The following LRP1B variants were observed in gnomAD, a reference collection of about 807,000 sequenced individuals.
LRP1B encodes the protein low-density lipoprotein receptor-related protein 1B.
Under a neutral mutation model 556.6 loss-of-function variants are expected in LRP1B, and 217 were observed. That is an observed-to-expected ratio of 0.39 (90% confidence interval 0.35 to 0.44). The LOEUF (loss-of-function observed/expected upper bound fraction) is 0.44, where lower values mean the gene tolerates loss of function less well. Ranked by LOEUF, LRP1B falls within the 20% of genes least tolerant of loss-of-function variation. The pLI is 1.00. For synonymous variants in LRP1B, 2,047 were observed against 1,865.8 expected, an observed-to-expected ratio of 1.10 and a Z score of -2.50; for missense variants, 5,053 against 5,620.8, an observed-to-expected ratio of 0.90 and a Z score of 3.23.
At chr2:140,401,846 A>G (rs1351963054) in intron 66 of LRP1B, among the ~76,000 whole-genome samples, 1 of 152,240 alleles carries the variant, frequency 6.6e-6, no homozygotes, top group African/African-American at 2.4e-5. Flanking sequence ...CATTGCCTGC[A>G]ACACCCTGGC....
intron 2 of LRP1B, among the ~76,000 whole-genome samples, chr2:141,722,442 C>A (rs945488832): frequency 1.3e-5 from 2 of 151,994 alleles, no homozygotes; most frequent in Non-Finnish European, 2.9e-5. Context: ...GGTTAGATAT[C>A]TTTGGTGCAT....
At chr2:141,414,104 G>T (rs1573917961) in intron 3 of LRP1B, among the ~76,000 whole-genome samples, 2 of 151,760 alleles carry the variant, frequency 1.3e-5, no homozygotes, top group South Asian at 2.1e-4. Flanking sequence ...GGGTGTGGTG[G>T]CGGGTGCCTG....
intron 2 of LRP1B, among the ~76,000 whole-genome samples, chr2:141,732,153 C>T (rs998920516): frequency 1.7e-4 from 26 of 152,086 alleles, no homozygotes; most frequent in African/African-American, 6.3e-4. Flanking sequence ...TACTAAGGAA[C>T]GTCTGAAATT....
At chr2:141,077,497 G>A (rs1386950341) in intron 7 of LRP1B, among the ~76,000 whole-genome samples, 1 of 151,994 alleles carries the variant, frequency 6.6e-6, no homozygotes, top group Non-Finnish European at 1.5e-5. Flanking sequence ...TGTTAATTTG[G>A]CAAGGTGTGG....
chr2:141,311,647 A>G (rs1272783678), intron 3 of LRP1B, among the ~76,000 whole-genome samples: 1 of 152,142 alleles, frequency 6.6e-6, no homozygotes, highest in Admixed American at 6.5e-5. Flanking sequence ...TGGCTTTGTA[A>G]GAAGAGGAAG....
At chr2:140,263,468 G>A (rs1477341004) in intron 86 of LRP1B, among the ~76,000 whole-genome samples, 2 of 151,968 alleles carry the variant, frequency 1.3e-5, no homozygotes, top group African/African-American at 4.8e-5. Flanking sequence ...TTTCAACATG[G>A]CGAGGCTGAG....
intron 3 of LRP1B, among the ~76,000 whole-genome samples, chr2:141,292,171 G>C (rs556070480): frequency 6.6e-6 from 1 of 152,110 alleles, no homozygotes; most frequent in Non-Finnish European, 1.5e-5. Context: ...TAGGTTGTGC[G>C]CTCCTTATGA....
intron 2 of LRP1B, among the ~76,000 whole-genome samples, chr2:141,809,198 G>A (rs10496897): frequency 0.31 from 46,752 of 151,842 alleles, 7,320 homozygotes; most frequent in East Asian, 0.39. Flanking sequence ...CAAATATTCA[G>A]GTATTCACCT....
At chr2:141,361,019 G>T (rs758059855) in intron 3 of LRP1B, among the ~76,000 whole-genome samples, 1 of 152,160 alleles carries the variant, frequency 6.6e-6, no homozygotes, top group Non-Finnish European at 1.5e-5. Context: ...AGCATGCAAT[G>T]TAATTGATAT....
chr2:141,584,383 G>A (rs1238878856), intron 2 of LRP1B, among the ~76,000 whole-genome samples: 2 of 152,168 alleles, frequency 1.3e-5, no homozygotes, highest in African/African-American at 4.8e-5. Context: ...ATAGAAAGGA[G>A]CCAGATTTGG....
At chr2:141,646,408 G>C (rs536613214) in intron 2 of LRP1B, among the ~76,000 whole-genome samples, 1 of 152,240 alleles carries the variant, frequency 6.6e-6, no homozygotes, top group African/African-American at 2.4e-5. Context: ...TCGAATTTAA[G>C]AGAGGAATCA....
At chr2:140,956,594 G>A (rs549678792) in intron 18 of LRP1B, among the ~76,000 whole-genome samples, 2 of 151,638 alleles carry the variant, frequency 1.3e-5, no homozygotes, top group Non-Finnish European at 3.0e-5. Flanking sequence ...CCCAAGAATT[G>A]GTACTTATAT....
chr2:140,577,298 C>T lies in LRP1B; in HGVS notation c.7194+21333G>A, dbSNP rs529895215. ...AAGAGATCCGGACCATCCTGGCCAA[C>T]ATGGTGAAACCCCATTTCTACTAAA... On this transcript the variant is annotated intron_variant, in intron 43 of 90. Transcript: ENST00000389484. Among the ~76,000 whole-genome samples, 135 of 152,100 alleles carry T rather than the reference C, an allele frequency of 8.9e-4. 1 individual carries two copies. The highest frequency in any genetic ancestry group is 2.5e-3 in the African/African-American group (105 of 41,500).
chr2:142,125,750 A>G (rs1707622263), intron 1 of LRP1B, among the ~76,000 whole-genome samples: 1 of 151,794 alleles, frequency 6.6e-6, no homozygotes, highest in Admixed American at 6.6e-5. Context: ...CCATGTGAAA[A>G]TGTATAGCAA....
chr2:141,743,446 G>C (rs1693784809), intron 2 of LRP1B, among the ~76,000 whole-genome samples: 2 of 149,436 alleles, frequency 1.3e-5, no homozygotes, highest in Admixed American at 1.3e-4. Context: ...TGGCCTCCTA[G>C]AATGAGTTTG....
chr2:141,135,718 C>A (rs76946173), intron 7 of LRP1B, among the ~76,000 whole-genome samples: 2 of 151,854 alleles, frequency 1.3e-5, no homozygotes, highest in Admixed American at 1.3e-4. Flanking sequence ...ATAATCCAGA[C>A]AATATTGGAC....
chr2:141,728,154 T>C (rs1045161227), intron 2 of LRP1B, among the ~76,000 whole-genome samples: 34 of 152,100 alleles, frequency 2.2e-4, no homozygotes, highest in Non-Finnish European at 7.4e-5. Context: ...AAGAAGAGTG[T>C]AGAGAGAAAG....
At chr2:141,317,953 TA>T (rs929029161) in intron 3 of LRP1B, among the ~76,000 whole-genome samples, 1 of 152,120 alleles carries the variant, frequency 6.6e-6, no homozygotes, top group African/African-American at 2.4e-5. Flanking sequence ...CTTGAACTGC[TA>T]AAAATTAACA....
At chr2:140,994,823 T>A (rs1415636350) in intron 15 of LRP1B, among the ~76,000 whole-genome samples, 1 of 152,008 alleles carries the variant, frequency 6.6e-6, no homozygotes, top group African/African-American at 2.4e-5. Context: ...TACACAGAAA[T>A]AAATTTTGCT....
Sources: gnomAD v4.1 joint callset for allele counts (sites outside exome capture counted in the v4.1 genomes callset) on GRCh38, gnomAD v4.1.1 for gene constraint, MANE v1.5 for transcripts, NCBI Gene and HGNC (gene_info 2026-07-23, HGNC 2026-07-21) for gene names.